Variants in SCRIB observed in about 807,000 individuals in gnomAD.
The protein encoded by SCRIB is protein scribble homolog.
In SCRIB, 72 loss-of-function variants were observed where a neutral mutation model predicts 170.0. That is an observed-to-expected ratio of 0.42 (90% CI 0.35 to 0.52). SCRIB has a LOEUF of 0.52. SCRIB is among the 20% of genes least tolerant of loss of function. The pLI is 0.02. For synonymous variants in SCRIB, 1,298 were observed against 1,044.3 expected (o/e 1.24, Z -4.68); for missense variants, 2,475 against 2,338.5 (o/e 1.06, Z -1.20).
Position 143,810,699 on chromosome 8 carries a change from G to A in SCRIB, c.1391C>T (p.Ala464Val). 6.2e-7 allele frequency: 1 copy of A among 1,603,736 alleles called. No individual in the cohort carries two copies. Reference sequence around the variant, plus strand: ...TCACCCTCATACCCGCTTCTCAGCTGCAGCTTCCTCAGCGTCCTCATCACC... The same window carrying A: ...TCACCCTCATACCCGCTTCTCAGCTACAGCTTCCTCAGCGTCCTCATCACC... ...PIGDEDAEEA[A>V]AEKRGLQRRA... is the part of the protein sequence containing the mutation. The change falls in exon 12 of 37, where the codon GCA becomes GTA. Residue 464 changes from alanine to valine, a missense_variant. This residue lies in a region of SCRIB where 1,966 missense variants were observed against 1,742.9 expected (regional missense o/e 1.13). Coordinates refer to ENST00000356994, the MANE Select transcript of SCRIB (RefSeq NM_182706.5).
intron 15 of SCRIB, among the ~76,000 whole-genome samples, chr8:143,808,244 C>A (rs924482901): frequency 1.3e-5 from 2 of 152,148 alleles, no homozygotes; most frequent in African/African-American, 4.8e-5. Context: ...ACTCCGTGCC[C>A]GCCAGCAGGT....
intron 11 of SCRIB, 32 bp downstream of exon 11, chr8:143,810,874 C>T (rs959987131): frequency 3.7e-6 from 6 of 1,609,076 alleles, no homozygotes; most frequent in Non-Finnish European, 5.1e-6. Context: ...TGAGAGCCAC[C>T]CCGCGCTAAG....
chr8:143,794,443 A>G (rs931091553), intron 27 of SCRIB, among the ~76,000 whole-genome samples: 9 of 152,108 alleles, frequency 5.9e-5, no homozygotes, highest in Non-Finnish European at 1.2e-4. Flanking sequence ...GTCAGTACCC[A>G]AGAGCCCCCG....
intron 8 of SCRIB, 45 bp from the exon 9 acceptor site, chr8:143,812,429 G>C (rs1466802832): frequency 1.3e-5 from 19 of 1,440,200 alleles, no homozygotes; most frequent in Admixed American, 5.0e-5. Flanking sequence ...ATGGTCCCCA[G>C]ACGTGCCTTA....
rs1554632989 is a variant in SCRIB at position 143,792,304 on chromosome 8, T to C, written c.4430A>G (p.Glu1477Gly). 3 of 1,558,450 alleles carry C rather than the reference T, an allele frequency of 1.9e-6. No homozygotes were observed. The South Asian group carries it at 3.5e-5, about 18-fold the overall frequency. Residue 1477 changes from glutamate to glycine, a missense_variant, in exon 32 of 37, where the codon GAG becomes GGG. By Grantham distance (98) the Glu-to-Gly change is moderately conservative. Around this residue, in one of 3 missense-constraint regions of SCRIB, gnomAD observed 1,966 missense variants for 1,742.9 expected, o/e 1.13. Transcript: ENST00000356994. ...HQERLRVQSPEPPAPERALSP... is the reference protein window; with the variant it reads ...HQERLRVQSPGPPAPERALSP... ...CAGGGCACGCTCGGGTGCCGGTGGCTCCGGACTCTGCACGCGCAGCCGCTC... is the reference window on the plus strand; with the variant it reads ...CAGGGCACGCTCGGGTGCCGGTGGCCCCGGACTCTGCACGCGCAGCCGCTC...
rs1482922759 is a variant in SCRIB, at chr8:143,791,918, G to A, written c.4658-5C>T. ...TGCTGGTCTGGGGGCCGAGGTCTGG[G>A]GGGACAAGAAGCGGGCATTGGAAGC... On this transcript the variant is annotated splice_polypyrimidine_tract_variant and splice_region_variant and intron_variant, in intron 33 of 36. Transcript: ENST00000356994. The A allele has an allele frequency of 1.3e-6, 2 of 1,516,018 alleles. No homozygotes were observed. Among genetic ancestry groups the A allele is most frequent in the Non-Finnish European group, 1.8e-6 (2 of 1,131,354 alleles). The allele number at this position is 1,516,018 out of a possible 1,614,324, so 93.9% of individuals were successfully genotyped here.
chr8:143,809,131 C>T, intron 14 of SCRIB, 106 bp from the exon 15 acceptor site: 4 of 1,417,718 alleles, frequency 2.8e-6, no homozygotes, highest in Non-Finnish European at 3.7e-6. Flanking sequence ...AGCCTCCCCG[C>T]CACACAAAGA....
At chr8:143,795,564 C>T (rs782356639) in intron 24 of SCRIB, 34 bp from the exon 25 acceptor site, 14 of 1,554,442 alleles carry the variant, frequency 9.0e-6, no homozygotes, top group Admixed American at 1.8e-5. Flanking sequence ...GAAGGGGGGA[C>T]TGCAACCCGG....
In SCRIB at chr8:143,813,485, A is replaced by G. The variant is rs1815854302; in HGVS notation, c.488T>C (p.Leu163Pro). The G allele has an allele frequency of 6.2e-7, 1 of 1,613,098 alleles. No individual in the cohort carries two copies. Among genetic ancestry groups the G allele is most frequent in the Non-Finnish European group, 8.5e-7 (1 of 1,180,006 alleles). Residue 163 changes from leucine (L) to proline (P), a missense_variant, in exon 5 of 37, where the codon CTC (leucine) becomes CCC (proline). By Grantham distance (98) the Leu-to-Pro change is moderately conservative. Coordinates refer to ENST00000356994, the MANE Select transcript of SCRIB (RefSeq NM_182706.5). ...LVTLELRENL[L>P]KSLPASLSFL... ...TCACACTCACGCTGGCAGGGACTTG[A>G]GCAGGTTCTCCCGGAGCTCCAGGGT...
chr8:143,796,565 A>C (rs1391645134), intron 24 of SCRIB, among the ~76,000 whole-genome samples: 1 of 152,208 alleles, frequency 6.6e-6, no homozygotes, highest in African/African-American at 2.4e-5. Flanking sequence ...TCACCACAGA[A>C]GATGCTGTTT....
At chr8:143,799,671 G>A (rs989954286) in intron 24 of SCRIB, among the ~76,000 whole-genome samples, 10 of 152,074 alleles carry the variant, frequency 6.6e-5, no homozygotes, top group African/African-American at 1.4e-4. Flanking sequence ...TTGTACAGAC[G>A]AGGAGACTGA....
intron 9 of SCRIB, among the ~76,000 whole-genome samples, chr8:143,811,888 G>C (rs923929573): frequency 6.6e-6 from 1 of 152,170 alleles, no homozygotes; most frequent in Admixed American, 6.5e-5. Flanking sequence ...CCGTGGCCTG[G>C]TGCCTCAGCT....
chr8:143,806,445 C>T lies in SCRIB; in HGVS notation c.2308G>A (p.Ala770Thr), dbSNP rs145709347. 1.2e-6 allele frequency: 2 copies of T among 1,606,206 alleles called. No individual in the cohort carries two copies. Among genetic ancestry groups the T allele is most frequent in the African/African-American group, 2.7e-5 (2 of 74,756 alleles). Residue 770 changes from alanine (A) to threonine (T), a missense_variant, in exon 18 of 37, where the codon GCC becomes ACC. By Grantham distance (58) the Ala-to-Thr change is moderately conservative. This residue lies in a region of SCRIB where 1,966 missense variants were observed against 1,742.9 expected (regional missense o/e 1.13). Coordinates refer to ENST00000356994, the MANE Select transcript of SCRIB (RefSeq NM_182706.5). ...ISRVSEEGPAARAGVRVGDKL... is the reference protein window; with the variant it reads ...ISRVSEEGPATRAGVRVGDKL... ...TCACCCACACGGACTCCAGCCCGGGCCGCAGGGCCTTCCTCGGACACCCGA... is the reference window on the plus strand; with the variant it reads ...TCACCCACACGGACTCCAGCCCGGGTCGCAGGGCCTTCCTCGGACACCCGA...
chr8:143,813,651 G>A lies in SCRIB; in HGVS notation c.432C>T (p.Pro144=), dbSNP rs575273341. ...AAGGCACTCACTTGCCCACGTCCCCGGGCAGTGCCTGCAGAGACACATCAT... is the reference window on the plus strand; with the variant it reads ...AAGGCACTCACTTGCCCACGTCCCCAGGCAGTGCCTGCAGAGACACATCAT... ...ALNDVSLQAL[P]GDVGNLANLV... is the part of the protein sequence containing the mutation. The change falls in exon 4 of 37, where the codon CCC becomes CCT. Residue 144 remains proline (P), a synonymous_variant. Transcript: ENST00000356994. 2.9e-5 allele frequency: 46 copies of A among 1,613,336 alleles called. No individual in the cohort carries two copies. Among genetic ancestry groups the A allele is most frequent in the South Asian group, 4.4e-5 (4 of 91,082 alleles).
At chr8:143,810,440 G>A (rs1205302151) in intron 13 of SCRIB, 39 bp downstream of exon 13, 1 of 1,596,044 alleles carries the variant, frequency 6.3e-7, no homozygotes, top group Admixed American at 1.7e-5. Flanking sequence ...ACAGCTCCCG[G>A]GTCAGCGGCC....
rs782358702 is a variant in SCRIB, at chr8:143,806,490, G to A, written c.2269-6C>T. 1.3e-6 allele frequency: 2 copies of A among 1,586,468 alleles called. No individual in the cohort carries two copies. Among genetic ancestry groups the A allele is most frequent in the Non-Finnish European group, 8.6e-7 (1 of 1,165,522 alleles). ...ACCCGAGAGATGAATATGCCCTAGG[G>A]CACAGACACGAGCTTGGCAGGGGCC... On this transcript the variant is annotated splice_polypyrimidine_tract_variant and splice_region_variant and intron_variant, in intron 17 of 36. Transcript: ENST00000356994.
At chr8:143,793,240 C>T (rs894830525) in intron 28 of SCRIB, 157 bp from the exon 29 acceptor site, 32 of 518,064 alleles carry the variant, frequency 6.2e-5, no homozygotes, top group Middle Eastern at 9.7e-4. Flanking sequence ...CCCCCACCCA[C>T]GGGACAGAGC....
chr8:143,793,854 GC>G, intron 28 of SCRIB, 45 bp downstream of exon 28: 1 of 1,591,532 alleles, frequency 6.3e-7, no homozygotes, highest in Non-Finnish European at 8.6e-7. Context: ...CATCTGCCCT[GC>G]CCTCCACCCA....
At position 143,792,010 on chromosome 8, in the gene SCRIB, C is replaced by T. The variant is rs782131720; in HGVS notation, c.4638G>A (p.Pro1546=). The change falls in exon 33 of 37, where the codon CCG becomes CCA. Residue 1546 remains proline (P), a synonymous_variant. Coordinates refer to ENST00000356994, the MANE Select transcript of SCRIB (RefSeq NM_182706.5). The part of the protein sequence containing the change: ...LAEAPSPAPT[P]SPTPVEDLGP... ...ACAGACCTTCCACAGGGGTGGGCGA[C>T]GGGGTGGGCGCAGGGGAAGGGGCCT... is the stretch of plus-strand genomic sequence containing the variant. The T allele has an allele frequency of 8.5e-5, 102 of 1,200,720 alleles. No individual in the cohort carries two copies. Among genetic ancestry groups the T allele is most frequent in the South Asian group, 1.7e-4 (13 of 76,124 alleles). The allele number at this position is 1,200,720 out of a possible 1,614,324, so 74.4% of individuals were successfully genotyped here.
Sources: gnomAD v4.1 joint callset for allele counts (sites outside exome capture counted in the v4.1 genomes callset) on GRCh38, gnomAD v4.1.1 for gene constraint, gnomAD v4.1.1 regional missense constraint, MANE v1.5 for transcripts, NCBI Gene and HGNC (gene_info 2026-07-23, HGNC 2026-07-21) for gene names.